ATP10A: variants seen among roughly 807,000 people sequenced by gnomAD.
ATP10A encodes the protein ATPase phospholipid transporting 10A (putative).
In ATP10A, 111 loss-of-function variants were observed where a neutral mutation model predicts 147.8. The observed-to-expected ratio is 0.75, with a 90% CI of 0.64 to 0.88. The LOEUF (loss-of-function observed/expected upper bound fraction) is 0.88, where lower values mean the gene tolerates loss of function less well. ATP10A is among the 40% of genes least tolerant of loss of function. The pLI is 0.00. For synonymous variants in ATP10A, 875 were observed against 841.6 expected, an observed-to-expected ratio of 1.04 and a Z score of -0.69; for missense variants, 1,927 against 1,959.0, an observed-to-expected ratio of 0.98 and a Z score of 0.31.
At chr15:25,692,649 A>C (rs1344632421) in intron 14 of ATP10A, among the ~76,000 whole-genome samples, 1 of 152,244 alleles carries the variant, frequency 6.6e-6, no homozygotes, top group East Asian at 1.9e-4. Context: ...TCTCTGAAGC[A>C]ATAAAAATCT....
At chr15:25,798,918 G>GT (rs5811396) in intron 1 of ATP10A, among the ~76,000 whole-genome samples, 148,072 of 152,154 alleles carry the variant, frequency 0.97, 72,181 homozygotes, top group East Asian at 1. Flanking sequence ...GGCTTGAGTG[G>GT]TTTACTCTGT....
At chr15:25,851,424 G>A (rs1043756849) in intron 1 of ATP10A, among the ~76,000 whole-genome samples, 2 of 151,682 alleles carry the variant, frequency 1.3e-5, no homozygotes, top group Admixed American at 6.6e-5. Context: ...CAAAGACATC[G>A]TTAAATGGGC....
intron 1 of ATP10A, among the ~76,000 whole-genome samples, chr15:25,861,248 C>A (rs1227798500): frequency 6.6e-6 from 1 of 152,170 alleles, no homozygotes; most frequent in Non-Finnish European, 1.5e-5. Flanking sequence ...GAGTGAGACA[C>A]TTTGGAAAAC....
intron 10 of ATP10A, among the ~76,000 whole-genome samples, chr15:25,713,122 G>A (rs1006312413): frequency 2.0e-5 from 3 of 152,214 alleles, no homozygotes; most frequent in Non-Finnish European, 4.4e-5. Context: ...CCTCCACCCA[G>A]TTCAGTTCCC....
chr15:25,857,783 G>A (rs1301165365), intron 1 of ATP10A, among the ~76,000 whole-genome samples: 3 of 152,120 alleles, frequency 2.0e-5, no homozygotes, highest in South Asian at 2.1e-4. Flanking sequence ...CTGTGAACAC[G>A]GGGTCAGAGC....
intron 1 of ATP10A, among the ~76,000 whole-genome samples, chr15:25,817,925 A>C (rs1891733362): frequency 6.6e-6 from 1 of 152,248 alleles, no homozygotes; most frequent in South Asian, 2.1e-4. Flanking sequence ...GAATATACAA[A>C]GTTGTATTCA....
At chr15:25,680,059 C>T (rs775912601) in intron 20 of ATP10A, 62 bp downstream of exon 20, 13 of 1,589,284 alleles carry the variant, frequency 8.2e-6, no homozygotes, top group Non-Finnish European at 1.1e-5. Context: ...AGAGCAGAAG[C>T]AATGCCAATG....
At chr15:25,692,586 T>A (rs1900096227) in intron 14 of ATP10A, among the ~76,000 whole-genome samples, 1 of 152,214 alleles carries the variant, frequency 6.6e-6, no homozygotes, top group Non-Finnish European at 1.5e-5. Flanking sequence ...TCCTGTTCTT[T>A]ATAATGTTGA....
intron 1 of ATP10A, among the ~76,000 whole-genome samples, chr15:25,855,898 G>C (rs1893496325): frequency 6.6e-6 from 1 of 152,126 alleles, no homozygotes; most frequent in South Asian, 2.1e-4. Flanking sequence ...ACTTATTAAT[G>C]CATTAATGGA....
chr15:25,762,941 C>A (rs12910456), intron 2 of ATP10A, among the ~76,000 whole-genome samples: 2 of 151,912 alleles, frequency 1.3e-5, no homozygotes, highest in African/African-American at 4.8e-5. Context: ...GTTTAAAAAA[C>A]GAAAGGGCAG....
At chr15:25,747,208 G>C (rs558158290) in intron 2 of ATP10A, among the ~76,000 whole-genome samples, 66 of 146,604 alleles carry the variant, frequency 4.5e-4, no homozygotes, top group Non-Finnish European at 8.3e-4. Context: ...AGAAACACTT[G>C]AACACGGGAG....
chr15:25,732,709 T>A (rs4243754), intron 3 of ATP10A, among the ~76,000 whole-genome samples: 145,796 of 151,530 alleles, frequency 0.96, 70,379 homozygotes, highest in East Asian at 1. Flanking sequence ...GCGCCCTCCA[T>A]GACACCTGGC....
chr15:25,817,661 T>C (rs1347941591), intron 1 of ATP10A, among the ~76,000 whole-genome samples: 1 of 152,182 alleles, frequency 6.6e-6, no homozygotes, highest in African/African-American at 2.4e-5. Context: ...ACTCTGATTA[T>C]AGCTGGGAGG....
rs1900217716 is a variant in ATP10A, at chr15:25,694,738, C to T, written c.3088+81G>A. 3.0e-5 allele frequency: 38 copies of T among 1,247,626 alleles called. 1 individual carries two copies. In the South Asian group the frequency reaches 5.4e-4, roughly 18 times the overall value. 77.3% of individuals were successfully genotyped at this position (1,247,626 alleles called of 1,614,324 possible). A position where few individuals can be genotyped will look rare whatever the true frequency, so the allele number is the denominator to read the frequency against. ...AAAGAAAGGTGAGGAAGTGTTTTCCCATCTCGTGGTGTAGCATGGAAGGGT... is the reference window on the plus strand; with the variant it reads ...AAAGAAAGGTGAGGAAGTGTTTTCCTATCTCGTGGTGTAGCATGGAAGGGT... On this transcript the variant is annotated intron_variant, in intron 14 of 20. Transcript: ENST00000555815.
At chr15:25,709,175 C>G (rs956310391) in intron 10 of ATP10A, 1 of 152,100 alleles carries the variant, frequency 6.6e-6, no homozygotes, top group Admixed American at 6.5e-5. Context: ...CACAGCATAT[C>G]TATGTTATTA....
chr15:25,681,349 T>G (rs1444440586), intron 17 of ATP10A, among the ~76,000 whole-genome samples: 1 of 152,208 alleles, frequency 6.6e-6, no homozygotes, highest in Non-Finnish European at 1.5e-5. Flanking sequence ...TCTTTGTCGT[T>G]TATCCTTGTA....
At chr15:25,758,736 C>T (rs866237355) in intron 2 of ATP10A, among the ~76,000 whole-genome samples, 101 of 109,374 alleles carry the variant, frequency 9.2e-4, no homozygotes, top group South Asian at 1.8e-3. Context: ...CTCATTCCGA[C>T]CACCTGCTCC....
intron 17 of ATP10A, among the ~76,000 whole-genome samples, chr15:25,681,308 C>A (rs2140279308): frequency 6.6e-6 from 1 of 152,282 alleles, no homozygotes; most frequent in Middle Eastern, 3.4e-3. Flanking sequence ...ATGTGCCCAG[C>A]AACTGTCTGT....
At chr15:25,840,055 C>T (rs1009114197) in intron 1 of ATP10A, among the ~76,000 whole-genome samples, 1 of 152,202 alleles carries the variant, frequency 6.6e-6, no homozygotes, top group African/African-American at 2.4e-5. Context: ...TCACCCCCTC[C>T]TGCATCCCTA....
Sources: gnomAD v4.1 joint callset for allele counts (sites outside exome capture counted in the v4.1 genomes callset) on GRCh38, gnomAD v4.1.1 for gene constraint, MANE v1.5 for transcripts, NCBI Gene and HGNC (gene_info 2026-07-23, HGNC 2026-07-21) for gene names.